The following RAC1 variants were observed in gnomAD, a reference collection of about 807,000 sequenced individuals.
RAC1 encodes ras-related C3 botulinum toxin substrate 1.
In RAC1, 2 loss-of-function variants were observed where a neutral mutation model predicts 25.2. The ratio of observed to expected loss-of-function variants is 0.08; its 90% CI spans 0.03 to 0.25. The LOEUF (loss-of-function observed/expected upper bound fraction) is 0.25. Among genes scored for constraint, RAC1 ranks in the 10% least tolerant of loss-of-function variants. The probability of loss-of-function intolerance (pLI) is 1.00; values close to 1 mark genes in which losing one functional copy is unlikely to be tolerated. For missense variants in RAC1, 50 were observed against 235.7 expected (o/e 0.21, Z 5.16); for synonymous variants, 88 against 94.0 (o/e 0.94, Z 0.37).
intron 1 of RAC1, among the ~76,000 whole-genome samples, chr7:6,380,559 A>C (rs550790917): frequency 1.3e-5 from 2 of 152,176 alleles, no homozygotes; most frequent in Non-Finnish European, 1.5e-5. Context: ...TCACATCTCC[A>C]TCACTACGTA....
rs1489785187 is a variant in RAC1 at position 6,374,636 on chromosome 7, C to G, written c.-100C>G. On this transcript the variant is annotated 5_prime_UTR_variant, in exon 1 of 6. Coordinates refer to ENST00000348035, the MANE Select transcript of RAC1 (RefSeq NM_006908.5). ...GACAGCGGCCCCGGCACCCAGCGCCCCGCCGCCCGCAAGCCGCGCGCCCGT... is the reference window on the plus strand; with the variant it reads ...GACAGCGGCCCCGGCACCCAGCGCCGCGCCGCCCGCAAGCCGCGCGCCCGT... 1.3e-5 allele frequency: 11 copies of G among 857,850 alleles called. No individual in the cohort carries two copies. Among genetic ancestry groups the G allele is most frequent in the Non-Finnish European group, 1.6e-5 (11 of 701,142 alleles). The allele number at this position is 857,850 out of a possible 1,614,324, so 53.1% of individuals were successfully genotyped here. A position where few individuals can be genotyped will look rare whatever the true frequency, so the allele number is the denominator to read the frequency against.
intron 1 of RAC1, among the ~76,000 whole-genome samples, chr7:6,383,282 G>A (rs1352325189): frequency 2.0e-5 from 3 of 152,204 alleles, no homozygotes; most frequent in Non-Finnish European, 4.4e-5. Flanking sequence ...TGGAAGCGCA[G>A]CGTGGACAAG....
At position 6,402,040 on chromosome 7, in the gene RAC1, G is replaced by A. The variant is rs376338627; in HGVS notation, c.448+13G>A. 1 of 1,610,760 alleles carries A rather than the reference G, an allele frequency of 6.2e-7. No homozygotes were observed. The highest frequency in any genetic ancestry group is 1.3e-5 in the African/African-American group (1 of 74,798). ...GCTAAGGAGATTGGTATGGAATCCT[G>A]TGTTTTTCCTCCTCCTTGTACCTCT... On this transcript the variant is annotated intron_variant, in intron 5 of 5. Coordinates refer to ENST00000348035, the MANE Select transcript of RAC1 (RefSeq NM_006908.5).
intron 1 of RAC1, among the ~76,000 whole-genome samples, chr7:6,379,896 G>C (rs370350051): frequency 6.6e-6 from 1 of 152,044 alleles, no homozygotes; most frequent in African/African-American, 2.4e-5. Context: ...TTACAGGCCC[G>C]AGCCACTGCG....
At chr7:6,382,569 A>C (rs979194492) in intron 1 of RAC1, among the ~76,000 whole-genome samples, 6 of 152,228 alleles carry the variant, frequency 3.9e-5, no homozygotes, top group Non-Finnish European at 7.3e-5. Flanking sequence ...AAAAGTAAGT[A>C]AAAAGTTCTC....
chr7:6,397,619 C>T (rs566652643), intron 3 of RAC1, among the ~76,000 whole-genome samples: 14 of 152,132 alleles, frequency 9.2e-5, no homozygotes, highest in Non-Finnish European at 5.9e-5. Context: ...GTTGGAAGAG[C>T]GAGTTTGTCA....
chr7:6,376,534 ACT>A (rs1198950969), intron 1 of RAC1, among the ~76,000 whole-genome samples: 1 of 120,346 alleles, frequency 8.3e-6, no homozygotes, highest in Non-Finnish European at 1.6e-5. Flanking sequence ...ACGGGGTCTC[ACT>A]CTGTCGCCCA....
At position 6,403,346 on chromosome 7, in the gene RAC1, A is replaced by T. The variant is rs373871719; in HGVS notation, c.*900A>T. 3 of 209,608 alleles carry T rather than the reference A, an allele frequency of 1.4e-5. No homozygotes were observed. Among genetic ancestry groups the T allele is most frequent in the Admixed American group, 5.9e-5 (1 of 16,934 alleles). The allele number at this position is 209,608 out of a possible 1,614,324, so 13.0% of individuals were successfully genotyped here. Reference sequence around the variant, plus strand: ...CTCTTACACCTGCCATGCCTCCCCAAATTGGGCATTTAATTCATCTTTAAA... The same window carrying T: ...CTCTTACACCTGCCATGCCTCCCCATATTGGGCATTTAATTCATCTTTAAA... On this transcript the variant is annotated 3_prime_UTR_variant, in exon 6 of 6. Coordinates refer to ENST00000348035, the MANE Select transcript of RAC1 (RefSeq NM_006908.5).
At chr7:6,382,553 T>C (rs1380042060) in intron 1 of RAC1, among the ~76,000 whole-genome samples, 1 of 152,182 alleles carries the variant, frequency 6.6e-6, no homozygotes, top group Non-Finnish European at 1.5e-5. Context: ...TACCCTACTC[T>C]CCTCAAAAAG....
At chr7:6,379,197 G>A (rs1782692529) in intron 1 of RAC1, among the ~76,000 whole-genome samples, 1 of 150,840 alleles carries the variant, frequency 6.6e-6, no homozygotes, top group African/African-American at 2.4e-5. Context: ...CACCTCCTGG[G>A]TTCAAGTGAT....
chr7:6,379,853 G>A (rs1328861904), intron 1 of RAC1, among the ~76,000 whole-genome samples: 1 of 152,102 alleles, frequency 6.6e-6, no homozygotes, highest in Non-Finnish European at 1.5e-5. Flanking sequence ...GGTTCAAGCA[G>A]TTCTCCTGCT....
At chr7:6,374,822 G>C in intron 1 of RAC1, 52 bp downstream of exon 1, 1 of 1,087,566 alleles carries the variant, frequency 9.2e-7, no homozygotes. Flanking sequence ...GGCGCGGAGG[G>C]GGGTTGGGCC....
At position 6,386,788 on chromosome 7, in the gene RAC1, C is replaced by CA. The variant is rs71008388; in HGVS notation, c.36-408dup. Among the ~76,000 whole-genome samples the CA allele has an allele frequency of 4.0e-3, 347 of 87,694 alleles. 2 individuals carry two copies. Among genetic ancestry groups the CA allele is most frequent in the Admixed American group, 8.2e-3 (69 of 8,388 alleles). The allele number at this position is 87,694 out of a possible 152,430, so 57.5% of individuals were successfully genotyped here. On this transcript the variant is annotated intron_variant, in intron 1 of 5. Transcript: ENST00000348035. ...GGGGCGACAGCACGAGACTCGGTCT[C>CA]AAAAAAAAAAAAAAAAGAAAAAAAA... is the stretch of plus-strand genomic sequence containing the variant.
rs1783426847 is a variant in RAC1, at chr7:6,402,389, A to T, written c.522A>T (p.Arg174=). 1 of 1,611,702 alleles carries T rather than the reference A, an allele frequency of 6.2e-7. No homozygotes were observed. The highest frequency in any genetic ancestry group is 8.5e-7 in the Non-Finnish European group (1 of 1,179,630). ...GLKTVFDEAI[R]AVLCPPPVKK... ...AGACAGTGTTTGACGAAGCGATCCG[A>T]GCAGTCCTCTGCCCGCCTCCCGTGA... Residue 174 remains arginine (R), a synonymous_variant, in exon 6 of 6, where the codon CGA becomes CGT. Coordinates refer to ENST00000348035, the MANE Select transcript of RAC1 (RefSeq NM_006908.5).
chr7:6,391,592 A>G (rs1343778214), intron 2 of RAC1: 1 of 292,816 alleles, frequency 3.4e-6, no homozygotes, highest in African/African-American at 2.2e-5. Context: ...TAGGATTTGA[A>G]AGCGGGGCTA....
rs530441112 is a variant in RAC1, at chr7:6,403,492, T to A, written c.*1046T>A. On this transcript the variant is annotated 3_prime_UTR_variant, in exon 6 of 6. Transcript: ENST00000348035. ...GATAATGCATTAGAAGGTTTTTTTG[T>A]CGATTAGTAAAAGTGCTTTCCATGT... 1.7e-4 allele frequency: 37 copies of A among 219,606 alleles called. No homozygotes were observed. Among genetic ancestry groups the A allele is most frequent in the African/African-American group, 8.3e-4 (37 of 44,696 alleles). The allele number at this position is 219,606 out of a possible 1,614,324, so 13.6% of individuals were successfully genotyped here.
intron 3 of RAC1, among the ~76,000 whole-genome samples, chr7:6,394,780 A>G (rs1180927825): frequency 6.6e-6 from 1 of 152,076 alleles, no homozygotes; most frequent in Non-Finnish European, 1.5e-5. Flanking sequence ...TCCCAGGTTC[A>G]AGTGACTTTC....
intron 3 of RAC1, among the ~76,000 whole-genome samples, chr7:6,398,247 G>T (rs1247316968): frequency 6.6e-6 from 1 of 152,202 alleles, no homozygotes; most frequent in Non-Finnish European, 1.5e-5. Flanking sequence ...TCCTTTTCCT[G>T]TATGCTGTGG....
intron 3 of RAC1, among the ~76,000 whole-genome samples, chr7:6,396,476 G>C (rs796441702): frequency 2.0e-4 from 30 of 152,276 alleles, no homozygotes; most frequent in African/African-American, 7.2e-4. Context: ...CGAACGCCGG[G>C]TGGAAAGTGG....
Sources: gnomAD v4.1 joint callset for allele counts (sites outside exome capture counted in the v4.1 genomes callset) on GRCh38, gnomAD v4.1.1 for gene constraint, MANE v1.5 for transcripts, NCBI Gene and HGNC (gene_info 2026-07-23, HGNC 2026-07-21) for gene names.